Variants in CORO1C observed in about 807,000 individuals in gnomAD.
CORO1C encodes the protein coronin 1C.
CORO1C carries 14 observed loss-of-function variants against 51.2 expected under a neutral mutation model. The ratio of observed to expected loss-of-function variants is 0.27; its 90% CI spans 0.18 to 0.43. CORO1C has a LOEUF of 0.43. Ranked by LOEUF, CORO1C falls within the 20% of genes least tolerant of loss-of-function variation. CORO1C has a pLI of 1.00. For synonymous variants in CORO1C, 181 were observed against 210.5 expected (o/e 0.86, Z 1.21); for missense variants, 417 against 607.8 (o/e 0.69, Z 3.30).
At chr12:108,649,099 C>T in intron 8 of CORO1C, 79 bp from the exon 9 acceptor site, 2 of 1,516,932 alleles carry the variant, frequency 1.3e-6, no homozygotes, top group Non-Finnish European at 1.8e-6. Flanking sequence ...TAGTTTTCTA[C>T]AATGCTGTCT....
At chr12:108,710,049 C>T (rs969914644) in intron 1 of CORO1C, among the ~76,000 whole-genome samples, 4 of 152,182 alleles carry the variant, frequency 2.6e-5, no homozygotes, top group South Asian at 2.1e-4. Flanking sequence ...CTCTACAAAA[C>T]ATGGGAAATA....
In CORO1C at chr12:108,647,195, GC is replaced by G. The variant is rs1160980903; in HGVS notation, c.*207del. ...AAAAAGCTTTCTGATAAAAAGCTCA[GC>G]TTTTAAATCACGTTTTGTTTCTGCA... is the stretch of plus-strand genomic sequence containing the variant. On this transcript the variant is annotated 3_prime_UTR_variant, in exon 11 of 11. Coordinates refer to ENST00000261401, the MANE Select transcript of CORO1C (RefSeq NM_014325.4). 8 of 439,418 alleles carry G rather than the reference GC, an allele frequency of 1.8e-5. No homozygotes were observed. Among genetic ancestry groups the G allele is most frequent in the Non-Finnish European group, 2.0e-5 (5 of 247,660 alleles). 27.2% of individuals were successfully genotyped at this position (439,418 alleles called of 1,614,324 possible).
At chr12:108,700,515 G>A (rs1159445854) in intron 2 of CORO1C, among the ~76,000 whole-genome samples, 2 of 152,038 alleles carry the variant, frequency 1.3e-5, no homozygotes, top group Non-Finnish European at 2.9e-5. Context: ...AGAAAACATA[G>A]AACCATTCTC....
chr12:108,709,020 G>C (rs2035108253), intron 1 of CORO1C, among the ~76,000 whole-genome samples: 1 of 151,874 alleles, frequency 6.6e-6, no homozygotes, highest in Non-Finnish European at 1.5e-5. Context: ...CTTCCAAACT[G>C]CTTGGATTAT....
At chr12:108,660,368 T>C (rs1410609131) in intron 4 of CORO1C, among the ~76,000 whole-genome samples, 1 of 149,874 alleles carries the variant, frequency 6.7e-6, no homozygotes, top group Non-Finnish European at 1.5e-5. Context: ...GGAGAATCGC[T>C]TGAACTCAGG....
At chr12:108,652,446 C>G in intron 7 of CORO1C, 29 bp from the exon 8 acceptor site, 1 of 1,600,044 alleles carries the variant, frequency 6.2e-7, no homozygotes, top group Non-Finnish European at 8.6e-7. Flanking sequence ...AAGTCTGTGT[C>G]TGATTGTTAA....
intron 1 of CORO1C, among the ~76,000 whole-genome samples, chr12:108,729,732 A>G (rs1440614594): frequency 1.3e-5 from 2 of 152,244 alleles, no homozygotes; most frequent in Non-Finnish European, 2.9e-5. Context: ...TCTGAAATGT[A>G]TAGAACCAAG....
At chr12:108,687,458 G>C (rs2034335137) in intron 2 of CORO1C, among the ~76,000 whole-genome samples, 1 of 152,078 alleles carries the variant, frequency 6.6e-6, no homozygotes, top group African/African-American at 2.4e-5. Flanking sequence ...CTGCACTCCA[G>C]CCTGGGTGAC....
chr12:108,678,459 A>C, intron 2 of CORO1C, 65 bp from the exon 3 acceptor site: 5 of 1,350,212 alleles, frequency 3.7e-6, no homozygotes, highest in Non-Finnish European at 4.9e-6. Flanking sequence ...ACATTTTCTC[A>C]GGCCCATTTC....
chr12:108,663,035 G>T (rs745460880), intron 3 of CORO1C, among the ~76,000 whole-genome samples: 1 of 152,204 alleles, frequency 6.6e-6, no homozygotes, highest in Non-Finnish European at 1.5e-5. Flanking sequence ...ACATTTCAAG[G>T]AAGACATATA....
At chr12:108,710,878 T>C (rs1053329659) in intron 1 of CORO1C, among the ~76,000 whole-genome samples, 1 of 152,100 alleles carries the variant, frequency 6.6e-6, no homozygotes, top group Non-Finnish European at 1.5e-5. Context: ...TTTTCTTACA[T>C]GTTGGGTGAA....
At chr12:108,695,860 A>G (rs902048212) in intron 2 of CORO1C, among the ~76,000 whole-genome samples, 2 of 151,606 alleles carry the variant, frequency 1.3e-5, no homozygotes, top group South Asian at 4.2e-4. Context: ...CTAAAAAAAA[A>G]AAAAAAAAAA....
intron 2 of CORO1C, among the ~76,000 whole-genome samples, chr12:108,680,921 G>A (rs1219000908): frequency 6.6e-6 from 1 of 152,190 alleles, no homozygotes; most frequent in Non-Finnish European, 1.5e-5. Context: ...ATGGTACTGG[G>A]ATCACAGGCA....
chr12:108,679,387 T>A (rs1458400189), intron 2 of CORO1C, among the ~76,000 whole-genome samples: 1 of 152,216 alleles, frequency 6.6e-6, no homozygotes. Context: ...AATTTGCTCA[T>A]GTCACACATT....
chr12:108,712,655 A>C (rs1054365235), intron 1 of CORO1C, among the ~76,000 whole-genome samples: 38 of 151,096 alleles, frequency 2.5e-4, no homozygotes, highest in Non-Finnish European at 5.5e-4. Flanking sequence ...GAGAGCAGAC[A>C]CCCAAAGCAA....
chr12:108,694,016 C>T (rs946697723), intron 2 of CORO1C, among the ~76,000 whole-genome samples: 18 of 152,134 alleles, frequency 1.2e-4, no homozygotes, highest in East Asian at 3.8e-4. Flanking sequence ...AGAACCTAGC[C>T]GGGTGTGGTG....
At chr12:108,708,606 C>T (rs922344733) in intron 1 of CORO1C, among the ~76,000 whole-genome samples, 1 of 151,900 alleles carries the variant, frequency 6.6e-6, no homozygotes, top group African/African-American at 2.4e-5. Flanking sequence ...GGATTACAGG[C>T]GCCTGCCACC....
At chr12:108,712,564 C>A in intron 1 of CORO1C, among the ~76,000 whole-genome samples, 2 of 82,788 alleles carry the variant, frequency 2.4e-5, no homozygotes, top group African/African-American at 5.2e-5. Flanking sequence ...ACAAGCGAAA[C>A]TGTCTCAAAA....
chr12:108,655,368 C>T (rs1198703284), intron 6 of CORO1C, among the ~76,000 whole-genome samples: 4 of 150,320 alleles, frequency 2.7e-5, no homozygotes, highest in Admixed American at 6.6e-5. Context: ...TTCCCCCTCC[C>T]CCTCCCCCTC....
Sources: gnomAD v4.1 joint callset for allele counts (sites outside exome capture counted in the v4.1 genomes callset) on GRCh38, gnomAD v4.1.1 for gene constraint, MANE v1.5 for transcripts, NCBI Gene and HGNC (gene_info 2026-07-23, HGNC 2026-07-21) for gene names.